The following SLIT3 variants were observed in gnomAD, a reference collection of about 807,000 sequenced individuals.
The protein encoded by SLIT3 is slit guidance ligand 3, also known as slit homolog 3 protein.
Under a neutral mutation model 184.0 loss-of-function variants are expected in SLIT3, and 68 were observed. That is an observed-to-expected ratio of 0.37 (90% CI 0.30 to 0.45). The LOEUF is 0.45. Ranked by LOEUF, SLIT3 falls within the 20% of genes least tolerant of loss-of-function variation. The pLI is 1.00. For missense variants in SLIT3, 1,707 were observed against 2,026.0 expected (o/e 0.84, Z 3.02); for synonymous variants, 831 against 828.6 (o/e 1.00, Z -0.05).
At chr5:168,830,522 G>A (rs1014739113) in intron 6 of SLIT3, among the ~76,000 whole-genome samples, 11 of 152,200 alleles carry the variant, frequency 7.2e-5, no homozygotes, top group African/African-American at 1.9e-4. Context: ...CAAGGATATC[G>A]CTTTGAAGCT....
rs543220446 is a variant in SLIT3 at position 169,113,663 on chromosome 5, T to TC, written c.413+79815_413+79816insG. Among the ~76,000 whole-genome samples, 27 of 150,066 alleles carry TC rather than the reference T, an allele frequency of 1.8e-4. No individual in the cohort carries two copies. The South Asian group carries it at 5.2e-3, about 29-fold the overall frequency. On this transcript the variant is annotated intron_variant, in intron 4 of 35. Coordinates refer to ENST00000519560, the MANE Select transcript of SLIT3 (RefSeq NM_003062.4). Reference sequence around the variant, plus strand: ...CATGCCTTTTTTTTCTTTTTCTTTTTTTTTTTTTTTTGAGATGGAGTCTTG... The same window carrying TC: ...CATGCCTTTTTTTTCTTTTTCTTTTTCTTTTTTTTTTTGAGATGGAGTCTTG...
chr5:169,137,382 A>C (rs1053842641), intron 4 of SLIT3, among the ~76,000 whole-genome samples: 33 of 146,118 alleles, frequency 2.3e-4, no homozygotes, highest in Admixed American at 1.3e-3. Flanking sequence ...AGCGGGAAGC[A>C]GGGGAAGGGT....
chr5:169,195,972 T>C (rs1213190403), intron 3 of SLIT3, among the ~76,000 whole-genome samples: 2 of 152,212 alleles, frequency 1.3e-5, no homozygotes, highest in Non-Finnish European at 2.9e-5. Flanking sequence ...ATTCACATCA[T>C]TGAACAACTA....
intron 4 of SLIT3, among the ~76,000 whole-genome samples, chr5:169,142,520 T>C (rs1761781933): frequency 6.6e-6 from 1 of 152,176 alleles, no homozygotes; most frequent in Non-Finnish European, 1.5e-5. Flanking sequence ...AGCAGTTCAT[T>C]AGCTCTAAGA....
intron 4 of SLIT3, among the ~76,000 whole-genome samples, chr5:168,901,947 G>T (rs181123736): frequency 6.6e-6 from 1 of 152,318 alleles, no homozygotes; most frequent in Admixed American, 6.5e-5. Flanking sequence ...TGTCACCCAG[G>T]TTGGAGTGCA....
rs1055613104 is a variant in SLIT3 at position 168,856,820 on chromosome 5, C to T, written c.486-12165G>A. On this transcript the variant is annotated intron_variant, in intron 5 of 35. Coordinates refer to ENST00000519560, the MANE Select transcript of SLIT3 (RefSeq NM_003062.4). Reference sequence around the variant, plus strand: ...GTGTGTGTGTGTGCGCGCGCGCGCACGCCTTTGTTCAGACTGGTTCTCAGA... The same window carrying T: ...GTGTGTGTGTGTGCGCGCGCGCGCATGCCTTTGTTCAGACTGGTTCTCAGA... Among the ~76,000 whole-genome samples the T allele has an allele frequency of 6.7e-5, 10 of 150,364 alleles. No individual in the cohort carries two copies. In the East Asian group the frequency reaches 7.9e-4, roughly 12 times the overall value.
intron 15 of SLIT3, 41 bp from the exon 16 acceptor site, chr5:168,760,977 G>A (rs1437772723): frequency 1.2e-5 from 18 of 1,476,930 alleles, no homozygotes; most frequent in Non-Finnish European, 1.6e-5. Context: ...AGCTGTGGAC[G>A]AGGCCCCTCC....
At chr5:168,697,196 G>A (rs1335378277) in intron 27 of SLIT3, among the ~76,000 whole-genome samples, 7 of 152,184 alleles carry the variant, frequency 4.6e-5, no homozygotes, top group Non-Finnish European at 8.8e-5. Context: ...GCTTCTGGGG[G>A]ATGAAGGCTA....
chr5:168,817,478 G>T lies in SLIT3; in HGVS notation c.630-15C>A. 9.4e-6 allele frequency: 15 copies of T among 1,604,162 alleles called. No individual in the cohort carries two copies. Among genetic ancestry groups the T allele is most frequent in the Non-Finnish European group, 1.3e-5 (15 of 1,177,476 alleles). On this transcript the variant is annotated splice_polypyrimidine_tract_variant and intron_variant, in intron 7 of 35. Transcript: ENST00000519560. ...AGTGGAGGCGCCTGGGAGAGGGCGG[G>T]ACAGAGAGAAGGCATGGTCACAGGT...
chr5:168,829,109 C>T (rs1757800713), intron 6 of SLIT3, among the ~76,000 whole-genome samples: 1 of 152,180 alleles, frequency 6.6e-6, no homozygotes, highest in Non-Finnish European at 1.5e-5. Flanking sequence ...AGATAGCCAT[C>T]TTTGATCTGG....
chr5:168,890,283 A>G (rs1760400833), intron 4 of SLIT3, among the ~76,000 whole-genome samples: 2 of 152,228 alleles, frequency 1.3e-5, no homozygotes, highest in Admixed American at 1.3e-4. Context: ...GCTGGGGCCC[A>G]AAATCTTTTT....
At chr5:169,084,206 C>A (rs190313958) in intron 4 of SLIT3, among the ~76,000 whole-genome samples, 1 of 152,108 alleles carries the variant, frequency 6.6e-6, no homozygotes, top group African/African-American at 2.4e-5. Context: ...TTGGTTGACT[C>A]CAACAGTATT....
At chr5:168,726,990 G>A (rs1324732954) in intron 20 of SLIT3, among the ~76,000 whole-genome samples, 3 of 142,100 alleles carry the variant, frequency 2.1e-5, no homozygotes, top group African/African-American at 7.9e-5. Context: ...CAGCCTGGGC[G>A]ACAAAGCAAG....
At chr5:168,673,104 A>G (rs1761303375) in intron 33 of SLIT3, 73 bp downstream of exon 33, 3 of 1,468,592 alleles carry the variant, frequency 2.0e-6, no homozygotes, top group Non-Finnish European at 2.8e-6. Flanking sequence ...TGGCTTTGGC[A>G]GTGGCCTGGG....
At chr5:168,880,075 G>A (rs1257664940) in intron 5 of SLIT3, among the ~76,000 whole-genome samples, 11 of 152,094 alleles carry the variant, frequency 7.2e-5, no homozygotes, top group Non-Finnish European at 1.5e-4. Context: ...TGTTGATTTT[G>A]TCCCCAGGGA....
intron 4 of SLIT3, among the ~76,000 whole-genome samples, chr5:169,052,546 G>A (rs1009184438): frequency 6.6e-5 from 10 of 152,158 alleles, no homozygotes; most frequent in African/African-American, 1.2e-4. Context: ...GCGAGGCCAC[G>A]TAAGACTTCC....
intron 4 of SLIT3, among the ~76,000 whole-genome samples, chr5:169,155,608 T>C (rs183471795): frequency 6.6e-6 from 1 of 152,290 alleles, no homozygotes; most frequent in East Asian, 1.9e-4. Context: ...AGTGAGTCTA[T>C]GCTTCTGGGT....
intron 25 of SLIT3, chr5:168,710,183 G>C (rs1191660774): frequency 6.6e-6 from 1 of 152,188 alleles, no homozygotes; most frequent in South Asian, 2.1e-4. Context: ...TCTGGAATCA[G>C]ATGGACCTGG....
chr5:168,980,166 A>C (rs1201520060), intron 4 of SLIT3, among the ~76,000 whole-genome samples: 1 of 152,100 alleles, frequency 6.6e-6, no homozygotes, highest in Non-Finnish European at 1.5e-5. Context: ...AATTTTGTTC[A>C]CATTATAAGA....
Sources: gnomAD v4.1 joint callset for allele counts (sites outside exome capture counted in the v4.1 genomes callset) on GRCh38, gnomAD v4.1.1 for gene constraint, MANE v1.5 for transcripts, NCBI Gene and HGNC (gene_info 2026-07-23, HGNC 2026-07-21) for gene names.